The following GALNT14 variants were observed in gnomAD, a reference collection of about 807,000 sequenced individuals.
The protein encoded by GALNT14 is polypeptide N-acetylgalactosaminyltransferase 14, also known as UDP-GalNAc:polypeptide N-acetylgalactosaminyltransferase 14.
A neutral mutation model predicts 77.5 loss-of-function variants in GALNT14; 60 were observed. The observed-to-expected ratio is 0.77, with a 90% CI of 0.63 to 0.96. The LOEUF (loss-of-function observed/expected upper bound fraction) is 0.96. GALNT14 is among the 40% of genes least tolerant of loss of function. The pLI is 0.00. For synonymous variants in GALNT14, 280 were observed against 281.7 expected (o/e 0.99, Z 0.06); for missense variants, 710 against 731.0 (o/e 0.97, Z 0.33).
chr2:31,056,414 C>A (rs915595692), intron 1 of GALNT14, among the ~76,000 whole-genome samples: 1 of 152,138 alleles, frequency 6.6e-6, no homozygotes, highest in Non-Finnish European at 1.5e-5. Flanking sequence ...AGCCAAAAAC[C>A]ATCTCAGGCG....
At chr2:31,027,277 A>G (rs1672120371) in intron 1 of GALNT14, among the ~76,000 whole-genome samples, 1 of 152,162 alleles carries the variant, frequency 6.6e-6, no homozygotes, top group African/African-American at 2.4e-5. Context: ...ATTAAATACA[A>G]AAAAATTAGC....
chr2:31,050,315 G>A (rs1247792712), intron 1 of GALNT14, among the ~76,000 whole-genome samples: 8 of 152,150 alleles, frequency 5.3e-5, no homozygotes, highest in East Asian at 1.9e-4. Flanking sequence ...TTTACCAAGC[G>A]GCCGAGGCGG....
chr2:30,986,934 T>C (rs1394862654), intron 2 of GALNT14: 6 of 152,102 alleles, frequency 3.9e-5, no homozygotes, highest in East Asian at 1.9e-4. Flanking sequence ...TTTTGTTCGA[T>C]TGAGGTGAGT....
intron 1 of GALNT14, among the ~76,000 whole-genome samples, chr2:31,006,074 G>A (rs147268878): frequency 3.5e-4 from 53 of 152,196 alleles, no homozygotes; most frequent in African/African-American, 8.9e-4. Context: ...CCTTCTCCTC[G>A]TCTGAACTTA....
intron 13 of GALNT14, among the ~76,000 whole-genome samples, chr2:30,917,076 CAAAAA>C (rs529653696): frequency 2.0e-4 from 4 of 19,908 alleles, no homozygotes; most frequent in Non-Finnish European, 3.7e-4. Context: ...GACTCCGTCT[CAAAAA>C]AAAAAAAAAA....
rs372734212 is a variant in GALNT14, at chr2:31,115,004, T to A, written c.129+22954A>T. Among the ~76,000 whole-genome samples the A allele has an allele frequency of 3.9e-5, 6 of 152,178 alleles. No homozygotes were observed. In the South Asian group the frequency reaches 8.3e-4, roughly 21 times the overall value. On this transcript the variant is annotated intron_variant, in intron 1 of 14. Coordinates refer to ENST00000349752, the MANE Select transcript of GALNT14 (RefSeq NM_024572.4). ...GCTCATGCCTGTAATCCCAACACTT[T>A]AGGAGGCCGAGGCAGGAGGACCACT...
chr2:30,976,748 G>A (rs1334475954), intron 2 of GALNT14, among the ~76,000 whole-genome samples: 1 of 152,144 alleles, frequency 6.6e-6, no homozygotes, highest in African/African-American at 2.4e-5. Context: ...AGATACCTTG[G>A]TGTCTGGGAC....
At chr2:30,965,689 G>A (rs572405104) in intron 3 of GALNT14, among the ~76,000 whole-genome samples, 4 of 152,278 alleles carry the variant, frequency 2.6e-5, no homozygotes, top group South Asian at 4.1e-4. Context: ...CCAGGGGAAC[G>A]GGGATGGAAC....
chr2:31,082,268 G>A (rs1334422548), intron 1 of GALNT14, among the ~76,000 whole-genome samples: 3 of 152,226 alleles, frequency 2.0e-5, no homozygotes, highest in African/African-American at 4.8e-5. Flanking sequence ...TTGGCCTCAG[G>A]CAGGGGCCAA....
intron 1 of GALNT14, among the ~76,000 whole-genome samples, chr2:31,055,350 G>C (rs1428412181): frequency 2.0e-5 from 3 of 152,200 alleles, no homozygotes; most frequent in Non-Finnish European, 4.4e-5. Flanking sequence ...TGGAAGTTCT[G>C]ACCTTTGAAT....
intron 2 of GALNT14, among the ~76,000 whole-genome samples, chr2:30,987,435 T>G (rs1397358600): frequency 1.3e-5 from 2 of 152,200 alleles, no homozygotes; most frequent in African/African-American, 4.8e-5. Flanking sequence ...CTGTCTTAGC[T>G]TCTTCTACTC....
chr2:31,086,432 C>A (rs2148591394), intron 1 of GALNT14, among the ~76,000 whole-genome samples: 1 of 152,162 alleles, frequency 6.6e-6, no homozygotes, highest in African/African-American at 2.4e-5. Context: ...CCCTCCCGTG[C>A]CAGGCATTTT....
At chr2:30,942,064 C>G (rs150329083) in intron 9 of GALNT14, 137 bp downstream of exon 9, 8,459 of 582,250 alleles carry the variant, frequency 0.015, 121 homozygotes, top group South Asian at 0.043. Context: ...GAGTAACTCA[C>G]CATCTCCCAG....
At chr2:30,969,654 T>G (rs1231813111) in intron 2 of GALNT14, among the ~76,000 whole-genome samples, 1 of 151,846 alleles carries the variant, frequency 6.6e-6, no homozygotes, top group Non-Finnish European at 1.5e-5. Flanking sequence ...CAGACAGAAA[T>G]GGGGCACAGA....
intron 6 of GALNT14, among the ~76,000 whole-genome samples, chr2:30,953,867 T>C (rs1430748449): frequency 6.6e-6 from 1 of 152,196 alleles, no homozygotes; most frequent in Non-Finnish European, 1.5e-5. Context: ...CTTCCAACCA[T>C]AACACCTCCC....
intron 1 of GALNT14, among the ~76,000 whole-genome samples, chr2:31,081,636 A>C (rs916543315): frequency 2.0e-5 from 3 of 152,234 alleles, no homozygotes; most frequent in African/African-American, 7.2e-5. Flanking sequence ...GCTTTGGTAA[A>C]TAAAATAACC....
rs758812679 is a variant in GALNT14 at position 30,992,958 on chromosome 2, C to T, written c.179G>A (p.Arg60Gln). 3.3e-5 allele frequency: 53 copies of T among 1,614,118 alleles called. No individual in the cohort carries two copies. In the East Asian group the frequency reaches 7.6e-4, roughly 23 times the overall value. The change falls in exon 2 of 15, where the codon CGG (arginine) becomes CAG (glutamine). Residue 60 changes from arginine to glutamine, a missense_variant. Transcript: ENST00000349752. ...GCGCCACTTTTTGGCATTCAGATAC[C>T]GCCGCTCATCAAACTGGTCCCACAG... ...DDLWDQFDER[R>Q]YLNAKKWRVG...
At chr2:31,122,658 C>T (rs1487335296) in intron 1 of GALNT14, among the ~76,000 whole-genome samples, 3 of 152,138 alleles carry the variant, frequency 2.0e-5, no homozygotes, top group East Asian at 1.9e-4. Context: ...CACTGAGAAA[C>T]AAAACATCAG....
chr2:31,135,665 T>C (rs1371165161), intron 1 of GALNT14, among the ~76,000 whole-genome samples: 1 of 152,104 alleles, frequency 6.6e-6, no homozygotes, highest in African/African-American at 2.4e-5. Context: ...CTAGAAAACC[T>C]CCTCTTTTGT....
Sources: allele counts gnomAD v4.1 joint callset (sites outside exome capture counted in the v4.1 genomes callset), GRCh38; gene constraint gnomAD v4.1.1; transcripts MANE v1.5; gene names NCBI Gene and HGNC (gene_info 2026-07-23, HGNC 2026-07-21).